Variants in FAM120B observed in about 807,000 individuals in gnomAD.
FAM120B encodes constitutive coactivator of peroxisome proliferator-activated receptor gamma.
In FAM120B, 83 loss-of-function variants were observed where a neutral mutation model predicts 96.3. The ratio of observed to expected loss-of-function variants is 0.86; its 90% CI spans 0.72 to 1.03. The LOEUF (loss-of-function observed/expected upper bound fraction) is 1.03, where lower values mean the gene tolerates loss of function less well. Ranked by LOEUF, FAM120B falls within the 50% of genes least tolerant of loss-of-function variation. The pLI, the probability that FAM120B is intolerant of heterozygous loss-of-function variation, is 0.00. For missense variants in FAM120B, 1,027 were observed against 1,121.2 expected (o/e 0.92, Z 1.20); for synonymous variants, 407 against 402.7 (o/e 1.01, Z -0.13).
At chr6:170,308,564 T>C (rs983289803) in intron 1 of FAM120B, among the ~76,000 whole-genome samples, 1 of 152,204 alleles carries the variant, frequency 6.6e-6, no homozygotes, top group African/African-American at 2.4e-5. Flanking sequence ...GTAAAGCTAA[T>C]GAAGTTCAGG....
chr6:170,292,350 G>A (rs1394826524), upstream of FAM120B, among the ~76,000 whole-genome samples: 4 of 152,192 alleles, frequency 2.6e-5, no homozygotes, highest in African/African-American at 9.7e-5. This position sits in a 1 kb window ranked among gnomAD's most constrained non-coding sequence, Gnocchi z 6.6. Flanking sequence ...TTGGGGCAGA[G>A]ACTCCTACTC....
intron 8 of FAM120B, among the ~76,000 whole-genome samples, chr6:170,391,956 C>G (rs1790504420): frequency 6.6e-6 from 1 of 152,208 alleles, no homozygotes; most frequent in Non-Finnish European, 1.5e-5. Flanking sequence ...ACAACGGCCA[C>G]AGAATCTTCC....
At chr6:170,389,172 C>T (rs1790351485) in intron 7 of FAM120B, among the ~76,000 whole-genome samples, 1 of 152,158 alleles carries the variant, frequency 6.6e-6, no homozygotes, top group South Asian at 2.1e-4. Flanking sequence ...GTCAGCTGTA[C>T]ATACATAATG....
chr6:170,332,677 G>A (rs868610001), intron 4 of FAM120B, among the ~76,000 whole-genome samples: 13 of 151,776 alleles, frequency 8.6e-5, no homozygotes, highest in African/African-American at 2.9e-4. Flanking sequence ...CAGCCTGGGC[G>A]ACAACAGCAA....
At chr6:170,395,452 C>A (rs754679949) in intron 8 of FAM120B, 35 bp from the exon 9 acceptor site, 2 of 1,516,694 alleles carry the variant, frequency 1.3e-6, no homozygotes, top group Admixed American at 1.9e-5. Context: ...AGACATTTGA[C>A]AACTTACTAA....
intron 1 of FAM120B, among the ~76,000 whole-genome samples, chr6:170,314,356 C>G (rs1784769492): frequency 1.3e-5 from 2 of 152,186 alleles, no homozygotes; most frequent in Non-Finnish European, 2.9e-5. Flanking sequence ...TGGATTAATT[C>G]ATTTATTTAT....
At chr6:170,388,212 T>C in intron 6 of FAM120B, 75 bp from the exon 7 acceptor site, 3 of 1,284,992 alleles carry the variant, frequency 2.3e-6, no homozygotes, top group Non-Finnish European at 3.4e-6. Context: ...CAGAGTAACT[T>C]TGCAGAGCTG....
At chr6:170,391,947 C>G (rs1790503896) in intron 8 of FAM120B, among the ~76,000 whole-genome samples, 1 of 152,196 alleles carries the variant, frequency 6.6e-6, no homozygotes, top group Non-Finnish European at 1.5e-5. Context: ...TCTTCTTAAA[C>G]AACGGCCACA....
chr6:170,389,464 G>A (rs1414565761), intron 7 of FAM120B, among the ~76,000 whole-genome samples: 1 of 152,070 alleles, frequency 6.6e-6, no homozygotes, highest in Non-Finnish European at 1.5e-5. Context: ...AGGGCGAGCA[G>A]TATCACACCC....
At chr6:170,300,837 C>T (rs531732158) in intron 1 of FAM120B, among the ~76,000 whole-genome samples, 23 of 152,318 alleles carry the variant, frequency 1.5e-4, no homozygotes, top group Middle Eastern at 3.4e-3. Context: ...CACACTGATG[C>T]GAGAGGTGGG....
At chr6:170,327,099 G>T (rs577726608) in intron 3 of FAM120B, among the ~76,000 whole-genome samples, 171 of 151,458 alleles carry the variant, frequency 1.1e-3, no homozygotes, top group East Asian at 6.7e-3. Context: ...CAGGCTGGAG[G>T]GCAGTAGCAC....
intron 6 of FAM120B, among the ~76,000 whole-genome samples, chr6:170,375,800 C>A (rs1173551401): frequency 6.6e-6 from 1 of 152,072 alleles, no homozygotes; most frequent in Admixed American, 6.6e-5. Flanking sequence ...GGGATGGTCC[C>A]CGTCTGGGCA....
At chr6:170,378,136 T>C (rs1185756529) in intron 6 of FAM120B, among the ~76,000 whole-genome samples, 1 of 152,240 alleles carries the variant, frequency 6.6e-6, no homozygotes, top group Non-Finnish European at 1.5e-5. Flanking sequence ...TGTGGAATTT[T>C]CCTTGGTTCA....
At chr6:170,396,157 T>C (rs1293301108) in intron 9 of FAM120B, among the ~76,000 whole-genome samples, 1 of 152,230 alleles carries the variant, frequency 6.6e-6, no homozygotes, top group Non-Finnish European at 1.5e-5. Flanking sequence ...TTACCTAATA[T>C]TTATCATTTA....
chr6:170,402,618 G>A (rs1778645134), intron 9 of FAM120B, among the ~76,000 whole-genome samples: 1 of 152,224 alleles, frequency 6.6e-6, no homozygotes, highest in African/African-American at 2.4e-5. Context: ...GCTCTCCCGG[G>A]CTCTGCGGAG....
intron 4 of FAM120B, among the ~76,000 whole-genome samples, chr6:170,342,784 CTGGGGACCAGATTGCTTG>C (rs1786922230): frequency 6.6e-6 from 1 of 152,210 alleles, no homozygotes; most frequent in African/African-American, 2.4e-5. Context: ...GGTGGGTGAC[CTGGGGACCAGATTGCTTG>C]TTTTGTCTCT....
chr6:170,338,501 T>C (rs1281730064), intron 4 of FAM120B, among the ~76,000 whole-genome samples: 1 of 152,246 alleles, frequency 6.6e-6, no homozygotes, highest in Non-Finnish European at 1.5e-5. Context: ...GAAGAATGTA[T>C]ATTCTGTTGA....
rs576856148 is a variant in FAM120B, at chr6:170,334,520, G to A, written c.2017+3970G>A. On this transcript the variant is annotated intron_variant, in intron 4 of 10. Coordinates refer to ENST00000476287, the MANE Select transcript of FAM120B (RefSeq NM_032448.3). ...AAGAAAGTGCTCAACAAGTCTTGGAGGTTTCTGTGAGTGGTAAAAGGAAGC... is the reference window on the plus strand; with the variant it reads ...AAGAAAGTGCTCAACAAGTCTTGGAAGTTTCTGTGAGTGGTAAAAGGAAGC... Among the ~76,000 whole-genome samples the A allele has an allele frequency of 6.6e-5, 10 of 150,926 alleles. No individual in the cohort carries two copies. The East Asian group carries it at 2.0e-3, about 30-fold the overall frequency.
intron 6 of FAM120B, among the ~76,000 whole-genome samples, chr6:170,358,549 T>C (rs1182184857): frequency 6.6e-6 from 1 of 152,252 alleles, no homozygotes; most frequent in Non-Finnish European, 1.5e-5. Flanking sequence ...CTTGTAGTTC[T>C]CAATACTGCC....
Sources: gnomAD v4.1 joint callset for allele counts (sites outside exome capture counted in the v4.1 genomes callset) on GRCh38, gnomAD v4.1.1 for gene constraint, Gnocchi (gnomAD v3.1) non-coding constraint, MANE v1.5 for transcripts, NCBI Gene and HGNC (gene_info 2026-07-23, HGNC 2026-07-21) for gene names.